The following ARHGAP36 variants were observed in gnomAD, a reference collection of about 807,000 sequenced individuals.
The protein encoded by ARHGAP36 is Rho GTPase activating protein 36, also known as rho GTPase-activating protein 36.
ARHGAP36 carries 7 observed loss-of-function variants against 32.9 expected under a neutral mutation model. That is an observed-to-expected ratio of 0.21 (90% CI 0.12 to 0.40). The LOEUF is 0.40. Among genes scored for constraint, ARHGAP36 ranks in the 10% least tolerant of loss-of-function variants. The pLI is 1.00. For missense variants in ARHGAP36, 383 were observed against 442.2 expected (o/e 0.87, Z 1.20); for synonymous variants, 165 against 168.3 (o/e 0.98, Z 0.15).
At chrX:131,066,695 A>G (rs2079700722) in intron 1 of ARHGAP36, among the ~76,000 whole-genome samples, 1 of 112,101 alleles carries the variant, frequency 8.9e-6, no homozygotes, top group Non-Finnish European at 1.9e-5. Flanking sequence ...GGTATGTAAT[A>G]CAGGTTTAGG....
At chrX:131,084,140 T>C in intron 4 of ARHGAP36, 75 bp from the exon 5 acceptor site, 1 of 1,066,959 alleles carries the variant, frequency 9.4e-7, no homozygotes, top group South Asian at 2.2e-5. Flanking sequence ...CTGAATGTCA[T>C]ACATACAGTA....
rs138987601 is a variant in ARHGAP36 at position 131,083,194 on chromosome X, G to A, written c.283G>A (p.Asp95Asn). The change falls in exon 3 of 12, where the codon GAT becomes AAT. Residue 95 changes from aspartate (D) to asparagine (N), a missense_variant. By Grantham distance (23) the Asp-to-Asn change is conservative (BLOSUM62 1). This residue lies in a region of ARHGAP36 where 156 missense variants were observed against 131.0 expected (regional missense o/e 1.19). Coordinates refer to ENST00000276211, the MANE Select transcript of ARHGAP36 (RefSeq NM_144967.4). ...GCCTATTGACCGTCCGAACACCTTG[G>A]ATAAGTGGTTTCTGATTTTGAGAGG... Reference protein sequence around the residue: ...ALPIDRPNTLDKWFLILRGQQ... With the variant: ...ALPIDRPNTLNKWFLILRGQQ... The A allele has an allele frequency of 8.7e-5, 105 of 1,209,875 alleles. No homozygotes were observed. Among genetic ancestry groups the A allele is most frequent in the Non-Finnish European group, 1.1e-4 (100 of 895,030 alleles).
intron 11 of ARHGAP36, among the ~76,000 whole-genome samples, chrX:131,088,207 C>A (rs761429824): frequency 4.4e-5 from 5 of 112,895 alleles, no homozygotes; most frequent in African/African-American, 1.3e-4. Context: ...TGTTGAAGGG[C>A]AACACCTGCT....
At chrX:131,059,630 A>G (rs1004558931) in intron 1 of ARHGAP36, among the ~76,000 whole-genome samples, 2 of 112,323 alleles carry the variant, frequency 1.8e-5, no homozygotes, top group Non-Finnish European at 1.9e-5. Flanking sequence ...TTGCTTAGGC[A>G]GTTCAAGTAC....
intron 2 of ARHGAP36, among the ~76,000 whole-genome samples, chrX:131,082,307 C>G (rs754379173): frequency 9.0e-6 from 1 of 111,594 alleles, no homozygotes; most frequent in Non-Finnish European, 1.9e-5. Context: ...ACAGCGCGGT[C>G]GAGAGACAGA....
At chrX:131,069,093 T>C (rs867392714) in intron 1 of ARHGAP36, among the ~76,000 whole-genome samples, 9 of 111,120 alleles carry the variant, frequency 8.1e-5, no homozygotes, top group Admixed American at 1.9e-4. Context: ...GGCGATAGAG[T>C]CGCTAACGGT....
At chrX:131,074,498 G>A (rs755256527) in intron 1 of ARHGAP36, among the ~76,000 whole-genome samples, 8 of 111,099 alleles carry the variant, frequency 7.2e-5, no homozygotes, top group Non-Finnish European at 9.4e-5. Context: ...TTTGAGAGAG[G>A]CAAGGGAGAT....
At chrX:131,069,291 A>C (rs1401871418) in intron 1 of ARHGAP36, among the ~76,000 whole-genome samples, 1 of 111,560 alleles carries the variant, frequency 9.0e-6, no homozygotes, top group East Asian at 2.8e-4. Flanking sequence ...GGAAAGGGAG[A>C]TGGACCTCCC....
chrX:131,064,753 G>GA (rs1298011187), intron 1 of ARHGAP36, among the ~76,000 whole-genome samples: 1 of 110,686 alleles, frequency 9.0e-6, no homozygotes, highest in Non-Finnish European at 1.9e-5. Context: ...TCCCCACATG[G>GA]AAAAAACAAA....
chrX:131,070,498 G>A (rs2079728102), intron 1 of ARHGAP36, among the ~76,000 whole-genome samples: 1 of 111,645 alleles, frequency 9.0e-6, no homozygotes, highest in South Asian at 3.8e-4. Flanking sequence ...AAGTCCCCAA[G>A]GATAGCATTG....
At position 131,087,035 on chromosome X, in the gene ARHGAP36, T is replaced by A. The variant is rs192046123; in HGVS notation, c.1486+370T>A. On this transcript the variant is annotated intron_variant, in intron 11 of 11. Transcript: ENST00000276211. ...ATTGAGATCCCAGACTTTGAAGAAATTCCATATTTTGATATGGTCCCAGAC... is the reference window on the plus strand; with the variant it reads ...ATTGAGATCCCAGACTTTGAAGAAAATCCATATTTTGATATGGTCCCAGAC... Among the ~76,000 whole-genome samples, 402 of 111,552 alleles carry A rather than the reference T, an allele frequency of 3.6e-3. 2 individuals are homozygous for A. The highest frequency in any genetic ancestry group is 0.012 in the African/African-American group (382 of 30,693).
rs2148643208 is a variant in ARHGAP36, at chrX:131,085,022, C to T, written c.913C>T (p.Leu305=). ...GTTTTTCCGTGACATGAAGGATTCTCTGCTGCCAGATGATCTGTACATGTC... is the reference window on the plus strand; with the variant it reads ...GTTTTTCCGTGACATGAAGGATTCTTTGCTGCCAGATGATCTGTACATGTC... The part of the protein sequence containing the change: ...KEFFRDMKDS[L]LPDDLYMSFL... Residue 305 remains leucine, a synonymous_variant, in exon 7 of 12, where the codon CTG becomes TTG. Transcript: ENST00000276211. 8.3e-7 allele frequency: 1 copy of T among 1,211,463 alleles called. No individual in the cohort carries two copies. Among genetic ancestry groups the T allele is most frequent in the Non-Finnish European group, 1.1e-6 (1 of 895,518 alleles).
chrX:131,067,444 C>G (rs1053258045), intron 1 of ARHGAP36, among the ~76,000 whole-genome samples: 8 of 113,270 alleles, frequency 7.1e-5, no homozygotes, highest in Non-Finnish European at 1.5e-4. Context: ...CACACCCTGC[C>G]CCAGCGGGCC....
chrX:131,079,562 G>GTTTTTTGTT (rs1556040528), intron 1 of ARHGAP36, among the ~76,000 whole-genome samples: 1 of 93,138 alleles, frequency 1.1e-5, no homozygotes, highest in African/African-American at 4.0e-5. Context: ...TTTGTTTTTT[G>GTTTTTTGTT]TTTTTTTTTT....
intron 8 of ARHGAP36, 52 bp from the exon 9 acceptor site, chrX:131,085,861 C>A: frequency 6.7e-6 from 8 of 1,188,351 alleles, no homozygotes; most frequent in Non-Finnish European, 9.1e-6. Context: ...TTCATTTGTA[C>A]AACTCCCAGT....
At chrX:131,078,071 A>T (rs910907514) in intron 1 of ARHGAP36, among the ~76,000 whole-genome samples, 7 of 111,407 alleles carry the variant, frequency 6.3e-5, no homozygotes, top group African/African-American at 2.3e-4. Flanking sequence ...GGATTGATAC[A>T]AATTCTAATT....
intron 1 of ARHGAP36, among the ~76,000 whole-genome samples, chrX:131,064,615 T>TA (rs1569363883): frequency 8.9e-6 from 1 of 112,104 alleles, no homozygotes; most frequent in East Asian, 2.8e-4. Flanking sequence ...ATCTCCATTT[T>TA]ACAGTTGAGG....
intron 1 of ARHGAP36, among the ~76,000 whole-genome samples, chrX:131,071,350 G>C (rs7880526): frequency 9.2e-6 from 1 of 108,998 alleles, no homozygotes; most frequent in Non-Finnish European, 1.9e-5. Flanking sequence ...AGAGGGAGAG[G>C]TCCTCTCCTC....
At chrX:131,082,638 G>T (rs1257376443) in intron 2 of ARHGAP36, among the ~76,000 whole-genome samples, 1 of 113,380 alleles carries the variant, frequency 8.8e-6, no homozygotes, top group African/African-American at 3.2e-5. Context: ...TGAATTGAGC[G>T]AAGCAAAGGG....
Sources: allele counts gnomAD v4.1 joint callset (sites outside exome capture counted in the v4.1 genomes callset), GRCh38; gene constraint gnomAD v4.1.1; regional missense constraint gnomAD v4.1.1; transcripts MANE v1.5; gene names NCBI Gene and HGNC (gene_info 2026-07-23, HGNC 2026-07-21).